AHCTF1: variants seen among roughly 807,000 people sequenced by gnomAD.
AHCTF1 encodes AT-hook containing transcription factor 1, also known as protein ELYS.
Under a neutral mutation model 248.4 loss-of-function variants are expected in AHCTF1, and 24 were observed. The ratio of observed to expected loss-of-function variants is 0.10; its 90% CI spans 0.07 to 0.14. AHCTF1 has a LOEUF of 0.14. Among genes scored for constraint, AHCTF1 ranks in the 10% least tolerant of loss-of-function variants. The pLI is 1.00. For synonymous variants in AHCTF1, 786 were observed against 929.8 expected, an observed-to-expected ratio of 0.85 and a Z score of 2.81; for missense variants, 2,206 against 2,636.2, an observed-to-expected ratio of 0.84 and a Z score of 3.57.
chr1:246,878,271 C>T (rs1242858214), intron 21 of AHCTF1, among the ~76,000 whole-genome samples: 1 of 151,350 alleles, frequency 6.6e-6, no homozygotes, highest in Non-Finnish European at 1.5e-5. Flanking sequence ...GTGGTGTGTG[C>T]CTGTAGTCCC....
chr1:246,906,367 C>A (rs1318359597), intron 5 of AHCTF1, among the ~76,000 whole-genome samples: 2 of 151,718 alleles, frequency 1.3e-5, no homozygotes, highest in Non-Finnish European at 2.9e-5. Flanking sequence ...ATCACAAGGT[C>A]AGGAGTTCGA....
At chr1:246,898,991 A>G in intron 11 of AHCTF1, among the ~76,000 whole-genome samples, 1 of 152,220 alleles carries the variant, frequency 6.6e-6, no homozygotes, top group East Asian at 1.9e-4. Context: ...CAGGTGGCGG[A>G]GGCAGAAGAA....
intron 8 of AHCTF1, among the ~76,000 whole-genome samples, chr1:246,901,635 A>C (rs115955887): frequency 0.017 from 2,647 of 152,134 alleles, 80 homozygotes; most frequent in African/African-American, 0.06. Flanking sequence ...ACAAAAAAAA[A>C]CAAAACACCC....
intron 31 of AHCTF1, among the ~76,000 whole-genome samples, chr1:246,855,443 C>A (rs891254722): frequency 7.2e-5 from 11 of 152,142 alleles, no homozygotes; most frequent in African/African-American, 2.4e-4. Context: ...CACGAAATAA[C>A]TCTTCTGAGT....
At chr1:246,874,416 A>C (rs1001757431) in intron 24 of AHCTF1, among the ~76,000 whole-genome samples, 1 of 152,230 alleles carries the variant, frequency 6.6e-6, no homozygotes, top group South Asian at 2.1e-4. Flanking sequence ...TTAACTTGCT[A>C]AACCTTTTGA....
chr1:246,918,496 GGTTACAAAATACATATT>G lies in AHCTF1; in HGVS notation c.-7-136_-7-120del, dbSNP rs1364160021. ...ACAAAATAAAGAAAAACTAAAATCTGGTTACAAAATACATATTGGCCAGATGCGGAGGCTCACGCCTT... is the reference window on the plus strand; with the variant it reads ...ACAAAATAAAGAAAAACTAAAATCTGGGCCAGATGCGGAGGCTCACGCCTT... On this transcript the variant is annotated intron_variant, in intron 1 of 35. Transcript: ENST00000648844. 3.8e-6 allele frequency: 4 copies of G among 1,052,420 alleles called. No individual in the cohort carries two copies. In the East Asian group the frequency reaches 8.8e-5, roughly 23 times the overall value. The allele number at this position is 1,052,420 out of a possible 1,614,324, so 65.2% of individuals were successfully genotyped here.
Position 246,840,797 on chromosome 1 carries a change from C to T in AHCTF1, c.*9G>A, listed in dbSNP as rs770082260. 8.8e-6 allele frequency: 14 copies of T among 1,592,244 alleles called. No individual in the cohort carries two copies. Among genetic ancestry groups the T allele is most frequent in the Admixed American group, 1.8e-5 (1 of 55,584 alleles). Reference sequence around the variant, plus strand: ...ACAAATAGGTGTACATTAAAATCTTCCCAAGAAATTACAGCATTTTTCTGC... The same window carrying T: ...ACAAATAGGTGTACATTAAAATCTTTCCAAGAAATTACAGCATTTTTCTGC... On this transcript the variant is annotated 3_prime_UTR_variant, in exon 36 of 36. Coordinates refer to ENST00000648844, the MANE Select transcript of AHCTF1 (RefSeq NM_001323342.2).
chr1:246,843,039 A>C (rs1216979298), intron 34 of AHCTF1, among the ~76,000 whole-genome samples: 1 of 152,124 alleles, frequency 6.6e-6, no homozygotes, highest in East Asian at 1.9e-4. Flanking sequence ...GCCCTTCTGT[A>C]CCCACTCCCT....
At chr1:246,886,949 T>G (rs1465870101) in intron 20 of AHCTF1, among the ~76,000 whole-genome samples, 1 of 152,154 alleles carries the variant, frequency 6.6e-6, no homozygotes, top group African/African-American at 2.4e-5. Flanking sequence ...CTCTCTAATA[T>G]TAACGATCAC....
At position 246,913,428 on chromosome 1, in the gene AHCTF1, C is replaced by G. The variant is rs758476757; in HGVS notation, c.376-16G>C. ...TAGCTGTTACCTAGAAAACATAATACGTGATTTGCTTTTCTTCTGCAAAGT... is the reference window on the plus strand; with the variant it reads ...TAGCTGTTACCTAGAAAACATAATAGGTGATTTGCTTTTCTTCTGCAAAGT... On this transcript the variant is annotated splice_polypyrimidine_tract_variant and intron_variant, in intron 3 of 35. Transcript: ENST00000648844. The G allele has an allele frequency of 6.3e-6, 10 of 1,585,838 alleles. No homozygotes were observed. The highest frequency in any genetic ancestry group is 8.6e-6 in the Non-Finnish European group (10 of 1,163,996).
Position 246,840,763 on chromosome 1 carries a change from G to A in AHCTF1, c.*43C>T. 7.0e-7 allele frequency: 1 copy of A among 1,434,700 alleles called. No individual in the cohort carries two copies. The highest frequency in any genetic ancestry group is 9.5e-7 in the Non-Finnish European group (1 of 1,049,534). The allele number at this position is 1,434,700 out of a possible 1,614,324, so 88.9% of individuals were successfully genotyped here. A position where few individuals can be genotyped will look rare whatever the true frequency, so the allele number is the denominator to read the frequency against. On this transcript the variant is annotated 3_prime_UTR_variant, in exon 36 of 36. Transcript: ENST00000648844. ...GATATTTAATAATCCACACTATTCT[G>A]ATGACTTTACAAATAGGTGTACATT...
intron 14 of AHCTF1, among the ~76,000 whole-genome samples, chr1:246,894,400 G>T (rs201767677): frequency 6.6e-6 from 1 of 152,010 alleles, no homozygotes. Flanking sequence ...GTGAAACCCC[G>T]TCTCTACTAA....
rs114778821 is a variant in AHCTF1 at position 246,931,144 on chromosome 1, G to A, written c.-8+434C>T. 8.8e-5 allele frequency: 137 copies of A among 1,550,152 alleles called. No individual in the cohort carries two copies. The Middle Eastern group carries it at 2.8e-3, about 32-fold the overall frequency. ...GACTACTCACTGTGGCCAGGCCCAA[G>A]CGCATGTGGAACACACGCCAACACA... On this transcript the variant is annotated intron_variant, in intron 1 of 35. Transcript: ENST00000648844.
intron 13 of AHCTF1, 127 bp from the exon 14 acceptor site, chr1:246,894,875 C>T: frequency 2.7e-6 from 2 of 744,568 alleles, no homozygotes; most frequent in Non-Finnish European, 4.6e-6. Flanking sequence ...AGGGAGGCAA[C>T]TTGGGAAAAT....
Position 246,887,258 on chromosome 1 carries a change from C to T in AHCTF1, c.2425G>A (p.Val809Ile). 6.2e-7 allele frequency: 1 copy of T among 1,613,482 alleles called. No homozygotes were observed. The highest frequency in any genetic ancestry group is 8.5e-7 in the Non-Finnish European group (1 of 1,179,702). The change falls in exon 20 of 36, where the codon GTT becomes ATT. Residue 809 changes from valine to isoleucine, a missense_variant. Physicochemically the swap from Val to Ile is conservative, Grantham distance 29. Transcript: ENST00000648844. ...AACCAAAACCCCTGAATAAGTTTAA[C>T]TTGGCCCCAAGAAATGGCAAATACA... ...PTVFAISWGQVKLIQGFWLID... is the reference protein window; with the variant it reads ...PTVFAISWGQIKLIQGFWLID...
chr1:246,878,396 CAAAAAAAAAAAAAAAAAAA>C (rs1199465751), intron 21 of AHCTF1, among the ~76,000 whole-genome samples: 1 of 30,776 alleles, frequency 3.2e-5, no homozygotes, highest in Admixed American at 5.2e-4. Flanking sequence ...GATTCTGTCT[CAAAAAAAAAAAAAAAAAAA>C]AAAAAAAAAA....
chr1:246,912,963 A>G (rs898028539), intron 4 of AHCTF1, among the ~76,000 whole-genome samples: 11 of 152,232 alleles, frequency 7.2e-5, no homozygotes. Flanking sequence ...AAATGAAAAC[A>G]AATAAAATCA....
intron 24 of AHCTF1, among the ~76,000 whole-genome samples, chr1:246,873,968 A>G (rs970399754): frequency 1.8e-4 from 27 of 152,222 alleles, no homozygotes; most frequent in Admixed American, 3.3e-4. Context: ...CTACGCTGAC[A>G]TAAGATCTGA....
chr1:246,868,961 C>G (rs909042873), intron 24 of AHCTF1, among the ~76,000 whole-genome samples: 2 of 151,074 alleles, frequency 1.3e-5, no homozygotes, highest in African/African-American at 4.9e-5. Context: ...TCTCCTGCCT[C>G]AGCCTGCTGA....
Sources: gnomAD v4.1 joint callset for allele counts (sites outside exome capture counted in the v4.1 genomes callset) on GRCh38, gnomAD v4.1.1 for gene constraint, MANE v1.5 for transcripts, NCBI Gene and HGNC (gene_info 2026-07-23, HGNC 2026-07-21) for gene names.